Variants in ATP9A observed in about 807,000 individuals in gnomAD.
The protein encoded by ATP9A is ATPase phospholipid transporting 9A.
In ATP9A, 52 loss-of-function variants were observed where a neutral mutation model predicts 144.1. That is an observed-to-expected ratio of 0.36 (90% CI 0.29 to 0.45). The LOEUF is 0.45. Ranked by LOEUF, ATP9A falls within the 20% of genes least tolerant of loss-of-function variation. The probability of loss-of-function intolerance (pLI) is 1.00; values close to 1 mark genes in which losing one functional copy is unlikely to be tolerated. For synonymous variants in ATP9A, 582 were observed against 557.4 expected (o/e 1.04, Z -0.62); for missense variants, 947 against 1,392.7 (o/e 0.68, Z 5.09).
intron 3 of ATP9A, among the ~76,000 whole-genome samples, chr20:51,717,822 C>T (rs546050733): frequency 1.3e-4 from 19 of 151,992 alleles, no homozygotes; most frequent in African/African-American, 4.3e-4. Context: ...AGCATGGTGG[C>T]GCATGCCTGT....
In ATP9A at chr20:51,618,703, C is replaced by T. The variant is rs774692538; in HGVS notation, c.2309G>A (p.Arg770His). The change falls in exon 21 of 28, where the codon CGC becomes CAC. Residue 770 changes from arginine to histidine, a missense_variant. This residue lies in a region of ATP9A where 770 missense variants were observed against 1,047.9 expected (regional missense o/e 0.73). Transcript: ENST00000338821. ...CAPTQKAQIV[R>H]LLQERTGKLT... Reference sequence around the variant, plus strand: ...CTTGCCCGTGCGCTCCTGAAGCAGGCGCACGATCTGGGCCTTCTGGGTGGG... The same window carrying T: ...CTTGCCCGTGCGCTCCTGAAGCAGGTGCACGATCTGGGCCTTCTGGGTGGG... The T allele has an allele frequency of 3.7e-6, 6 of 1,613,438 alleles. No individual in the cohort carries two copies. Among genetic ancestry groups the T allele is most frequent in the Admixed American group, 1.7e-5 (1 of 59,952 alleles).
chr20:51,668,046 G>A (rs1231648339), intron 13 of ATP9A, among the ~76,000 whole-genome samples: 2 of 134,790 alleles, frequency 1.5e-5, no homozygotes, highest in Non-Finnish European at 3.2e-5. Flanking sequence ...TCCAGCCTGG[G>A]TGACAGAGTG....
At chr20:51,651,244 T>C (rs1002197344) in intron 14 of ATP9A, among the ~76,000 whole-genome samples, 1 of 123,442 alleles carries the variant, frequency 8.1e-6, no homozygotes, top group East Asian at 2.0e-4. Flanking sequence ...TTACATAATA[T>C]ATATTTACAT....
At chr20:51,621,161 AAAG>A (rs1300833257) in intron 19 of ATP9A, among the ~76,000 whole-genome samples, 3 of 151,788 alleles carry the variant, frequency 2.0e-5, no homozygotes, top group African/African-American at 7.3e-5. Context: ...AAAAAAAAAA[AAAG>A]GAGAGATTTA....
At chr20:51,671,869 G>GC (rs1486120143) in intron 11 of ATP9A, among the ~76,000 whole-genome samples, 1 of 151,922 alleles carries the variant, frequency 6.6e-6, no homozygotes, top group Non-Finnish European at 1.5e-5. Flanking sequence ...TGCTATTTCA[G>GC]CTCACCACAA....
chr20:51,683,542 A>G (rs1601102279), intron 9 of ATP9A, among the ~76,000 whole-genome samples: 1 of 152,092 alleles, frequency 6.6e-6, no homozygotes, highest in Non-Finnish European at 1.5e-5. Flanking sequence ...TCAGCCTCCC[A>G]AAGTGCTGGG....
chr20:51,722,472 C>T (rs2077693752), intron 3 of ATP9A, among the ~76,000 whole-genome samples: 1 of 152,050 alleles, frequency 6.6e-6, no homozygotes, highest in Non-Finnish European at 1.5e-5. Flanking sequence ...CCAGAATCTA[C>T]AAAGAACTCA....
At chr20:51,626,504 A>G (rs531183325) in intron 17 of ATP9A, among the ~76,000 whole-genome samples, 3 of 151,722 alleles carry the variant, frequency 2.0e-5, no homozygotes, top group East Asian at 1.9e-4. Context: ...TAAAAAAAAA[A>G]AAAAGAAAAG....
chr20:51,654,215 T>C (rs1205966272), intron 14 of ATP9A, among the ~76,000 whole-genome samples: 1 of 152,176 alleles, frequency 6.6e-6, no homozygotes, highest in Admixed American at 6.5e-5. Context: ...CTGGGTTTTA[T>C]AGCTTGAGCT....
intron 13 of ATP9A, 136 bp from the exon 14 acceptor site, chr20:51,657,286 T>A: frequency 1.6e-6 from 1 of 628,576 alleles, no homozygotes. Flanking sequence ...TCTACAATGA[T>A]GCTGCAAATA....
At chr20:51,767,751 G>A (rs1431203677) in intron 1 of ATP9A, among the ~76,000 whole-genome samples, 4 of 152,256 alleles carry the variant, frequency 2.6e-5, no homozygotes, top group African/African-American at 9.6e-5. Flanking sequence ...ACCCCGGGCG[G>A]AGGGGGAAGG....
chr20:51,603,809 C>T lies in ATP9A; in HGVS notation c.3007+1008G>A, dbSNP rs186582189. Among the ~76,000 whole-genome samples the T allele has an allele frequency of 2.2e-3, 330 of 152,218 alleles. 2 individuals are homozygous for T. Among genetic ancestry groups the T allele is most frequent in the African/African-American group, 7.6e-3 (316 of 41,526 alleles). On this transcript the variant is annotated intron_variant, in intron 27 of 27. Transcript: ENST00000338821. ...TTATTTATTTATTTAGAAATGGAGTCTTACTCTGTCGCCCAGGCTAGAGTG... is the reference window on the plus strand; with the variant it reads ...TTATTTATTTATTTAGAAATGGAGTTTTACTCTGTCGCCCAGGCTAGAGTG...
At chr20:51,719,710 C>CAGTGAGTGAGACTCTCAATG (rs2077679904) in intron 3 of ATP9A, among the ~76,000 whole-genome samples, 1 of 111,626 alleles carries the variant, frequency 9.0e-6, no homozygotes, top group African/African-American at 3.5e-5. Flanking sequence ...TCCAGCCTGG[C>CAGTGAGTGAGACTCTCAATG]AACAGATCAA....
chr20:51,657,266 C>T, intron 13 of ATP9A, 116 bp from the exon 14 acceptor site: 1 of 772,384 alleles, frequency 1.3e-6, no homozygotes, highest in South Asian at 1.8e-5. Context: ...ACACAGAACC[C>T]TTAGATATAT....
intron 1 of ATP9A, among the ~76,000 whole-genome samples, chr20:51,754,548 C>A (rs2077847752): frequency 6.6e-6 from 1 of 152,134 alleles, no homozygotes; most frequent in Admixed American, 6.6e-5. Context: ...CATGGTGGCA[C>A]AGGCCTGTAT....
At chr20:51,731,426 G>A (rs1487742869) in intron 1 of ATP9A, among the ~76,000 whole-genome samples, 1 of 150,960 alleles carries the variant, frequency 6.6e-6, no homozygotes, top group South Asian at 2.1e-4. Context: ...ACAGATAAGA[G>A]AGAAGCTTGG....
intron 14 of ATP9A, among the ~76,000 whole-genome samples, chr20:51,649,157 GTTTGGCTAAAAA>G (rs1420992115): frequency 6.6e-6 from 1 of 152,148 alleles, no homozygotes; most frequent in African/African-American, 2.4e-5. Context: ...AGGGCACCCT[GTTTGGCTAAAAA>G]TAGCCAGAGA....
intron 1 of ATP9A, among the ~76,000 whole-genome samples, chr20:51,748,282 T>C (rs1472864210): frequency 1.3e-5 from 2 of 152,210 alleles, no homozygotes; most frequent in Middle Eastern, 3.4e-3. Context: ...CCATCTCTAT[T>C]TATTTTTTAA....
chr20:51,761,273 T>C (rs990236629), intron 1 of ATP9A, among the ~76,000 whole-genome samples: 41 of 152,182 alleles, frequency 2.7e-4, no homozygotes, highest in Non-Finnish European at 4.0e-4. Context: ...CACATAAACA[T>C]GCTGACATAA....
Sources: allele counts gnomAD v4.1 joint callset (sites outside exome capture counted in the v4.1 genomes callset), GRCh38; gene constraint gnomAD v4.1.1; regional missense constraint gnomAD v4.1.1; transcripts MANE v1.5; gene names NCBI Gene and HGNC (gene_info 2026-07-23, HGNC 2026-07-21).